Variants in HMGB1 observed in about 807,000 individuals in gnomAD.
HMGB1 encodes high mobility group box 1.
For missense variants in HMGB1, 79 were observed against 253.5 expected (o/e 0.31, Z 4.67); for synonymous variants, 81 against 84.0 (o/e 0.96, Z 0.19).
chr13:30,611,277 C>T (rs1950510442), intron 1 of HMGB1, among the ~76,000 whole-genome samples: 1 of 152,276 alleles, frequency 6.6e-6, no homozygotes, highest in South Asian at 2.1e-4. Flanking sequence ...AGGCTCCTGC[C>T]TCAGCCTCCT....
intron 1 of HMGB1, among the ~76,000 whole-genome samples, chr13:30,609,032 C>T (rs1006083798): frequency 7.2e-6 from 1 of 139,506 alleles, no homozygotes; most frequent in African/African-American, 2.5e-5. Flanking sequence ...GAGGCCAAGG[C>T]GGGTGGATCA....
Position 30,483,499 on chromosome 13 carries a change from T to C in HMGB1, c.-14-19805A>G, listed in dbSNP as rs1388354330. Among the ~76,000 whole-genome samples the C allele has an allele frequency of 7.2e-5, 11 of 152,118 alleles. 1 individual carries two copies. The highest frequency in any genetic ancestry group is 1.6e-4 in the Non-Finnish European group (11 of 68,014). On this transcript the variant is annotated intron_variant, in intron 1 of 4. Transcript: ENST00000405805. ...ACTCTACTCCAACCCTGGGCCTTAG[T>C]GTTAGGAAACTCCGAGTGACGTTTC...
intron 1 of HMGB1, among the ~76,000 whole-genome samples, chr13:30,497,892 T>C (rs1425020223): frequency 6.6e-6 from 1 of 152,192 alleles, no homozygotes; most frequent in African/African-American, 2.4e-5. Context: ...TCTTATGCTA[T>C]TGGGAAGAGT....
chr13:30,528,452 C>T (rs146373970), intron 1 of HMGB1, among the ~76,000 whole-genome samples: 2 of 152,138 alleles, frequency 1.3e-5, no homozygotes, highest in African/African-American at 4.8e-5. Flanking sequence ...AAAGGACTAC[C>T]GTATTGCGCT....
intron 1 of HMGB1, among the ~76,000 whole-genome samples, chr13:30,615,228 T>C (rs182691406): frequency 1.4e-3 from 211 of 152,314 alleles, no homozygotes; most frequent in African/African-American, 4.9e-3. Context: ...CTGAATTTAC[T>C]GAAATAACTA....
At chr13:30,536,176 G>A (rs1305868410) in intron 1 of HMGB1, among the ~76,000 whole-genome samples, 1 of 152,106 alleles carries the variant, frequency 6.6e-6, no homozygotes, top group East Asian at 1.9e-4. Context: ...ACAATTCTGT[G>A]TTGCAGATTA....
intron 1 of HMGB1, among the ~76,000 whole-genome samples, chr13:30,509,925 C>A (rs1251813641): frequency 6.6e-6 from 1 of 152,264 alleles, no homozygotes; most frequent in African/African-American, 2.4e-5. Flanking sequence ...TTAACTCTTA[C>A]CTATAGGCTA....
chr13:30,497,110 C>G (rs1566006082), intron 1 of HMGB1, among the ~76,000 whole-genome samples: 1 of 152,166 alleles, frequency 6.6e-6, no homozygotes, highest in East Asian at 1.9e-4. Flanking sequence ...TCGCTGGCTC[C>G]TTCCTCTTCA....
chr13:30,602,261 G>C (rs113483625), intron 1 of HMGB1, among the ~76,000 whole-genome samples: 2 of 152,244 alleles, frequency 1.3e-5, no homozygotes, highest in African/African-American at 4.8e-5. Context: ...CCAGCCCCAT[G>C]GTCTCAGACA....
chr13:30,575,236 C>A (rs1405478716), intron 1 of HMGB1, among the ~76,000 whole-genome samples: 1 of 152,126 alleles, frequency 6.6e-6, no homozygotes, highest in Admixed American at 6.6e-5. Flanking sequence ...GTTAAACTTG[C>A]TTCAGTTTGT....
At chr13:30,466,063 A>G, upstream of HMGB1, 1 of 567,724 alleles carries the variant, frequency 1.8e-6, no homozygotes, top group Non-Finnish European at 2.2e-6. Flanking sequence ...CACGTCATCA[A>G]GGATTGAAAC....
chr13:30,494,541 A>G (rs1887568992), intron 1 of HMGB1, among the ~76,000 whole-genome samples: 1 of 152,066 alleles, frequency 6.6e-6, no homozygotes, highest in South Asian at 2.1e-4. Context: ...TTGTATTTTT[A>G]GTAGAGACAG....
intron 1 of HMGB1, among the ~76,000 whole-genome samples, chr13:30,566,370 A>G (rs1306188085): frequency 6.6e-6 from 1 of 152,218 alleles, no homozygotes. Flanking sequence ...TCTGGGCCAC[A>G]TATGGTTTCT....
intron 1 of HMGB1, among the ~76,000 whole-genome samples, chr13:30,589,492 CAA>C (rs1871288570): frequency 6.6e-6 from 1 of 152,030 alleles, no homozygotes; most frequent in Non-Finnish European, 1.5e-5. Flanking sequence ...GGTGAAATTT[CAA>C]AAGTGTACAG....
intron 1 of HMGB1, among the ~76,000 whole-genome samples, chr13:30,595,534 A>G (rs941531600): frequency 2.6e-5 from 4 of 152,222 alleles, no homozygotes; most frequent in African/African-American, 4.8e-5. Context: ...GCTGCGTAGC[A>G]TATTTCCTTA....
chr13:30,511,986 A>T (rs1488192327), intron 1 of HMGB1, among the ~76,000 whole-genome samples: 1 of 152,100 alleles, frequency 6.6e-6, no homozygotes, highest in Non-Finnish European at 1.5e-5. Flanking sequence ...TAAAGTTGTT[A>T]CCTGAGATGC....
At chr13:30,596,968 T>G (rs1046489417) in intron 1 of HMGB1, among the ~76,000 whole-genome samples, 1 of 152,232 alleles carries the variant, frequency 6.6e-6, no homozygotes, top group Non-Finnish European at 1.5e-5. Context: ...TCAGTGGACC[T>G]ACATTTGAAT....
intron 1 of HMGB1, among the ~76,000 whole-genome samples, chr13:30,473,470 T>C (rs182550444): frequency 1.1e-3 from 164 of 152,328 alleles, no homozygotes; most frequent in Non-Finnish European, 2.1e-3. Context: ...AAGATCCCTA[T>C]ATTAGGTCTT....
intron 1 of HMGB1, among the ~76,000 whole-genome samples, chr13:30,480,398 C>A (rs1467716): frequency 0.98 from 149,097 of 152,330 alleles, 73,055 homozygotes; most frequent in East Asian, 1. Context: ...GTTTTCCTTA[C>A]ATATATATTT....
Sources: gnomAD v4.1 joint callset for allele counts (sites outside exome capture counted in the v4.1 genomes callset) on GRCh38, gnomAD v4.1.1 for gene constraint, MANE v1.5 for transcripts, NCBI Gene and HGNC (gene_info 2026-07-23, HGNC 2026-07-21) for gene names.